GAK: variants seen among roughly 807,000 people sequenced by gnomAD.
GAK encodes the protein cyclin-G-associated kinase.
In GAK, 79 loss-of-function variants were observed where a neutral mutation model predicts 143.9. The observed-to-expected ratio is 0.55, with a 90% CI of 0.46 to 0.66. The LOEUF (loss-of-function observed/expected upper bound fraction) is 0.66, where lower values mean the gene tolerates loss of function less well. GAK is among the 30% of genes least tolerant of loss of function. GAK has a pLI of 0.00. For synonymous variants in GAK, 881 were observed against 765.5 expected, an observed-to-expected ratio of 1.15 and a Z score of -2.49; for missense variants, 1,693 against 1,779.7, an observed-to-expected ratio of 0.95 and a Z score of 0.88.
At chr4:898,736 G>A (rs1004676183) in intron 5 of GAK, among the ~76,000 whole-genome samples, 1 of 152,132 alleles carries the variant, frequency 6.6e-6, no homozygotes, top group African/African-American at 2.4e-5. Flanking sequence ...GGTGGCGGGC[G>A]CCTGTAGTCC....
At position 864,985 on chromosome 4, in the gene GAK, C is replaced by G; in HGVS notation, c.3166+137G>C. 2.5e-6 allele frequency: 3 copies of G among 1,219,574 alleles called. No individual in the cohort carries two copies. The South Asian group carries it at 4.8e-5, about 19-fold the overall frequency. 75.5% of individuals were successfully genotyped at this position (1,219,574 alleles called of 1,614,324 possible). A position where few individuals can be genotyped will look rare whatever the true frequency, so the allele number is the denominator to read the frequency against. ...CATACCACAGCCTTGTGTGCGGAGC[C>G]CGCACCACCAAGCACGCCCCAGCCC... is the stretch of plus-strand genomic sequence containing the variant. On this transcript the variant is annotated intron_variant, in intron 23 of 27. Coordinates refer to ENST00000314167, the MANE Select transcript of GAK (RefSeq NM_005255.4).
chr4:913,756 A>G, intron 1 of GAK, 88 bp from the exon 2 acceptor site: 1 of 1,169,112 alleles, frequency 8.6e-7, no homozygotes. Flanking sequence ...GTAAAATACA[A>G]ATTGACTTGT....
intron 7 of GAK, among the ~76,000 whole-genome samples, chr4:895,404 C>T (rs1443522812): frequency 1.3e-5 from 2 of 152,214 alleles, no homozygotes; most frequent in South Asian, 4.1e-4. Flanking sequence ...TGTCCTCGTG[C>T]GGGATGTGCA....
At position 876,552 on chromosome 4, in the gene GAK, C is replaced by T. The variant is rs756268631; in HGVS notation, c.2032G>A (p.Ala678Thr). 11 of 1,614,134 alleles carry T rather than the reference C, an allele frequency of 6.8e-6. No homozygotes were observed. The highest frequency in any genetic ancestry group is 2.2e-5 in the South Asian group (2 of 91,072). Residue 678 changes from alanine (A) to threonine (T), a missense_variant, in exon 18 of 28, where the codon GCC (alanine) becomes ACC (threonine). By Grantham distance (58) the Ala-to-Thr change is moderately conservative. Transcript: ENST00000314167. ...QFHTGFVPRN[A>T]TTVKFAKYDL... ...TACTTGGCAAATTTCACAGTGGTGG[C>T]GTTCCGAGGCACAAACCCCGTGTGG... is the stretch of plus-strand genomic sequence containing the variant.
At chr4:877,244 C>T (rs899639654) in intron 16 of GAK, 37 bp from the exon 17 acceptor site, 40 of 1,412,274 alleles carry the variant, frequency 2.8e-5, no homozygotes, top group Non-Finnish European at 4.0e-5. Flanking sequence ...TTTTAAAAAC[C>T]CCCAAAACCA....
chr4:855,936 C>T (rs914060701), intron 24 of GAK, among the ~76,000 whole-genome samples: 1 of 152,194 alleles, frequency 6.6e-6, no homozygotes, highest in Non-Finnish European at 1.5e-5. Context: ...GCCAGGGCAA[C>T]AGAGCAAGAC....
chr4:857,217 T>G (rs970949150), intron 24 of GAK, among the ~76,000 whole-genome samples: 3 of 152,212 alleles, frequency 2.0e-5, no homozygotes, highest in African/African-American at 7.2e-5. Context: ...TAAATCCTAT[T>G]TGCTGAAGTT....
chr4:932,217 C>G lies in GAK; in HGVS notation c.-30G>C. ...GTGGCTGCGCCGCACCCCGCGGCAG[C>G]CGGAGTGGTCGGGCTCGGGCTCCCG... On this transcript the variant is annotated 5_prime_UTR_variant, in exon 1 of 28. Coordinates refer to ENST00000314167, the MANE Select transcript of GAK (RefSeq NM_005255.4). This position sits in a 1 kb window ranked among gnomAD's most constrained non-coding sequence, Gnocchi z 4.0. 6.6e-7 allele frequency: 1 copy of G among 1,511,224 alleles called. No individual in the cohort carries two copies. The allele number at this position is 1,511,224 out of a possible 1,614,324, so 93.6% of individuals were successfully genotyped here.
At chr4:921,498 C>T (rs539937710) in intron 1 of GAK, among the ~76,000 whole-genome samples, 46 of 152,280 alleles carry the variant, frequency 3.0e-4, no homozygotes, top group South Asian at 6.2e-4. Flanking sequence ...TACAGTAATT[C>T]ACCAAAATAA....
chr4:859,370 C>T (rs559337209), intron 24 of GAK: 33 of 1,467,838 alleles, frequency 2.2e-5, no homozygotes, highest in Middle Eastern at 1.9e-4. Context: ...ACCACAATGC[C>T]GGTGGGGGCT....
chr4:898,344 GGT>G (rs1455110017), intron 5 of GAK, among the ~76,000 whole-genome samples, 186 bp from the exon 6 acceptor site: 5 of 152,356 alleles, frequency 3.3e-5, no homozygotes, highest in African/African-American at 1.2e-4. Context: ...AGCAGCTCGG[GGT>G]GCAGGGGCCG....
At chr4:867,887 C>T (rs1316699418) in intron 20 of GAK, among the ~76,000 whole-genome samples, 2 of 152,268 alleles carry the variant, frequency 1.3e-5, no homozygotes, top group Non-Finnish European at 2.9e-5. Context: ...GCCTCTGCCT[C>T]AAGGGTCTGC....
At chr4:870,938 C>T (rs780334084) in intron 18 of GAK, 34 bp from the exon 19 acceptor site, 2 of 1,562,694 alleles carry the variant, frequency 1.3e-6, no homozygotes. Context: ...TTAGGAAGGC[C>T]ACCCAAGTAG....
intron 7 of GAK, among the ~76,000 whole-genome samples, chr4:895,249 C>T (rs918819960): frequency 9.8e-5 from 15 of 152,330 alleles, no homozygotes; most frequent in African/African-American, 3.1e-4. Flanking sequence ...GCAGAACTGG[C>T]CTTGAACAAT....
rs1283532706 is a variant in GAK at position 883,334 on chromosome 4, G to A, written c.1385C>T (p.Pro462Leu). The change falls in exon 13 of 28, where the codon CCC becomes CTC. Residue 462 changes from proline (P) to leucine (L), a missense_variant. By Grantham distance (98) the Pro-to-Leu change is moderately conservative. Around this residue, in one of 2 missense-constraint regions of GAK, gnomAD observed 871 missense variants for 991.0 expected, o/e 0.88. Transcript: ENST00000314167. ...VYNLSPRTYRPSRFHNRVSEC... is the reference protein window; with the variant it reads ...VYNLSPRTYRLSRFHNRVSEC... ...ACACACCCGGTTGTGGAACCTGGAG[G>A]GCCGGTAGGTCCTCGGGGACAGGTT... 1 of 1,613,344 alleles carries A rather than the reference G, an allele frequency of 6.2e-7. No homozygotes were observed. The highest frequency in any genetic ancestry group is 8.5e-7 in the Non-Finnish European group (1 of 1,179,986).
chr4:898,405 C>T lies in GAK; in HGVS notation c.526-247G>A, dbSNP rs199936691. ...CTGGCGGGTGGGCCGGCCTGAGAAG[C>T]GGGCCCCGAGGGGCTGAGGGATTTC... On this transcript the variant is annotated intron_variant, in intron 5 of 27. Coordinates refer to ENST00000314167, the MANE Select transcript of GAK (RefSeq NM_005255.4). Among the ~76,000 whole-genome samples the T allele has an allele frequency of 2.6e-5, 4 of 152,348 alleles. No individual in the cohort carries two copies. In the East Asian group the frequency reaches 5.8e-4, roughly 22 times the overall value.
At chr4:850,271 TG>T (rs1401275523) in intron 26 of GAK, 4 of 472,900 alleles carry the variant, frequency 8.5e-6, no homozygotes, top group African/African-American at 8.0e-5. Context: ...GTGGTCTTCA[TG>T]TTTCAGGGCC....
At position 893,416 on chromosome 4, in the gene GAK, C is replaced by A; in HGVS notation, c.951G>T (p.Ala317=). The A allele has an allele frequency of 6.3e-7, 1 of 1,590,916 alleles. No individual in the cohort carries two copies. ...ACTTGGGGTTCACGTTGCGGGCGGC[C>A]GCGATCTCCTGCAGCTGGTGCACCA... ...AEVVHQLQEI[A]AARNVNPKSP... is the part of the protein sequence containing the mutation. The change falls in exon 9 of 28, where the codon GCG becomes GCT. Residue 317 remains alanine, a synonymous_variant. Transcript: ENST00000314167.
At chr4:918,635 A>G (rs1057402572) in intron 1 of GAK, among the ~76,000 whole-genome samples, 10 of 152,290 alleles carry the variant, frequency 6.6e-5, no homozygotes, top group African/African-American at 1.9e-4. Context: ...CATAGCGTAC[A>G]TGACAAAGAC....
Sources: allele counts gnomAD v4.1 joint callset (sites outside exome capture counted in the v4.1 genomes callset), GRCh38; gene constraint gnomAD v4.1.1; regional missense constraint gnomAD v4.1.1; non-coding constraint Gnocchi (gnomAD v3.1); transcripts MANE v1.5; gene names NCBI Gene and HGNC (gene_info 2026-07-23, HGNC 2026-07-21).